The following F8 variants were observed in gnomAD, a reference collection of about 807,000 sequenced individuals.
F8 encodes coagulation factor VIII, also known as antihemophilic factor.
A neutral mutation model predicts 140.6 loss-of-function variants in F8; 12 were observed. The ratio of observed to expected loss-of-function variants is 0.09; its 90% CI spans 0.05 to 0.14. The LOEUF is 0.14. F8 is among the 10% of genes least tolerant of loss of function. The probability of loss-of-function intolerance (pLI) is 1.00; values close to 1 mark genes in which losing one functional copy is unlikely to be tolerated. For synonymous variants in F8, 585 were observed against 614.6 expected, an observed-to-expected ratio of 0.95 and a Z score of 0.71; for missense variants, 1,354 against 1,720.7, an observed-to-expected ratio of 0.79 and a Z score of 3.77.
chrX:154,874,535 A>G (rs1476751737), intron 22 of F8, among the ~76,000 whole-genome samples: 1 of 112,212 alleles, frequency 8.9e-6, no homozygotes, highest in Non-Finnish European at 1.9e-5. Context: ...GTGCTTTTGT[A>G]ATCGGCATTA....
chrX:154,915,718 G>A (rs1217291687), intron 14 of F8, among the ~76,000 whole-genome samples: 1 of 112,164 alleles, frequency 8.9e-6, no homozygotes, highest in Non-Finnish European at 1.9e-5. Context: ...CAGTTTTTTG[G>A]TGGAGTGTTT....
At chrX:155,010,871 C>T (rs1557286514) in intron 1 of F8, among the ~76,000 whole-genome samples, 1 of 111,399 alleles carries the variant, frequency 9.0e-6, no homozygotes, top group Non-Finnish European at 1.9e-5. Flanking sequence ...GAACTTGGAT[C>T]CCCTCCTCAC....
Position 154,947,911 on chromosome X carries a change from C to G in F8, c.1904-4G>C. ...TCAAAAACATAGCCATTGATGCCTG[C>G]AAAAACAATGGGGAAAAGAGATTTA... On this transcript the variant is annotated splice_region_variant and splice_polypyrimidine_tract_variant and intron_variant, in intron 12 of 25. Coordinates refer to ENST00000360256, the MANE Select transcript of F8 (RefSeq NM_000132.4). The G allele has an allele frequency of 8.4e-7, 1 of 1,194,012 alleles. No individual in the cohort carries two copies. The highest frequency in any genetic ancestry group is 3.0e-5 in the East Asian group (1 of 33,755).
rs17336801 is a variant in F8 at position 154,837,925 on chromosome X, C to G, written c.6901-173G>C. Among the ~76,000 whole-genome samples, 998 of 111,853 alleles carry G rather than the reference C, an allele frequency of 8.9e-3. 27 individuals carry two copies. In the East Asian group the frequency reaches 0.13, roughly 14 times the overall value. On this transcript the variant is annotated intron_variant, in intron 25 of 25. Coordinates refer to ENST00000360256, the MANE Select transcript of F8 (RefSeq NM_000132.4). ...GACATCTAGAATTAAGAGCACCCTGCTTTGGAGGCCTTCACTCTAGCTAGG... is the reference window on the plus strand; with the variant it reads ...GACATCTAGAATTAAGAGCACCCTGGTTTGGAGGCCTTCACTCTAGCTAGG...
chrX:154,842,129 TTTAATA>T (rs1201765236), intron 25 of F8, among the ~76,000 whole-genome samples: 2 of 111,695 alleles, frequency 1.8e-5, no homozygotes, highest in Non-Finnish European at 3.8e-5. Flanking sequence ...AGAAAGAACA[TTTAATA>T]TTAATAAGTA....
At chrX:154,911,037 CAT>C (rs1262416232) in intron 14 of F8, among the ~76,000 whole-genome samples, 1 of 109,548 alleles carries the variant, frequency 9.1e-6, no homozygotes, top group Non-Finnish European at 1.9e-5. Flanking sequence ...CCTTTGTTCA[CAT>C]GTTTTCCTGC....
chrX:154,970,860 C>T (rs940665256), intron 6 of F8, among the ~76,000 whole-genome samples: 1 of 111,554 alleles, frequency 9.0e-6, no homozygotes, highest in Non-Finnish European at 1.9e-5. Flanking sequence ...TGTAATTTTG[C>T]ATGTATTATT....
At chrX:154,920,611 C>A (rs1427071750) in intron 14 of F8, among the ~76,000 whole-genome samples, 3 of 109,944 alleles carry the variant, frequency 2.7e-5, no homozygotes, top group African/African-American at 9.9e-5. Context: ...CACCACCATG[C>A]TTTACTAATT....
rs782369846 is a variant in F8 at position 155,012,130 on chromosome X, G to A, written c.143+10280C>T. Among the ~76,000 whole-genome samples, 9 of 111,913 alleles carry A rather than the reference G, an allele frequency of 8.0e-5. No individual in the cohort carries two copies. In the East Asian group the frequency reaches 1.4e-3, roughly 17 times the overall value. ...ACCACTGAATTGTACACTTTCAAAT[G>A]GTGAATTTTATGATATGTAAAGTAT... On this transcript the variant is annotated intron_variant, in intron 1 of 25. Coordinates refer to ENST00000360256, the MANE Select transcript of F8 (RefSeq NM_000132.4).
chrX:154,946,658 GT>G (rs1482349655), intron 13 of F8, among the ~76,000 whole-genome samples: 1 of 111,786 alleles, frequency 8.9e-6, no homozygotes, highest in East Asian at 2.8e-4. Flanking sequence ...CAGGACATTG[GT>G]CTGGGAAAGA....
At chrX:154,847,577 G>A (rs1346449243) in intron 25 of F8, among the ~76,000 whole-genome samples, 3 of 111,680 alleles carry the variant, frequency 2.7e-5, no homozygotes, top group Non-Finnish European at 3.8e-5. Flanking sequence ...TGATCGCATC[G>A]GCTACTAAAG....
intron 25 of F8, among the ~76,000 whole-genome samples, chrX:154,837,975 C>T (rs2072488421): frequency 8.9e-6 from 1 of 111,755 alleles, no homozygotes; most frequent in Non-Finnish European, 1.9e-5. Context: ...TGTTCTCACC[C>T]ACTTCCCAAA....
intron 13 of F8, among the ~76,000 whole-genome samples, chrX:154,942,740 T>C (rs2073276435): frequency 9.3e-6 from 1 of 108,082 alleles, no homozygotes; most frequent in African/African-American, 3.4e-5. Context: ...ACCAATATCC[T>C]TGATGAACAT....
At chrX:154,953,118 T>C (rs1238836555) in intron 12 of F8, among the ~76,000 whole-genome samples, 1 of 111,794 alleles carries the variant, frequency 8.9e-6, no homozygotes, top group Admixed American at 9.5e-5. Context: ...ACCATATTTT[T>C]GACCATTCAG....
At chrX:154,909,008 G>A (rs1393430592) in intron 14 of F8, 4 of 195,563 alleles carry the variant, frequency 2.0e-5, no homozygotes, top group African/African-American at 1.2e-4. Flanking sequence ...TGGGCTGGAT[G>A]GTTCAGGAAG....
rs1557287600 is a variant in F8, at chrX:155,022,503, C to G, written c.50G>C (p.Cys17Ser). 5.8e-6 allele frequency: 7 copies of G among 1,209,485 alleles called. No individual in the cohort carries two copies. The highest frequency in any genetic ancestry group is 7.8e-6 in the Non-Finnish European group (7 of 895,023). Reference protein sequence around the residue: ...TCFFLCLLRFCFSATRRYYLG... With the variant: ...TCFFLCLLRFSFSATRRYYLG... ...GTAGTATCTTCTGGTGGCACTAAAG[C>G]AGAATCGCAAAAGGCACAGAAAGAA... is the stretch of plus-strand genomic sequence containing the variant. Residue 17 changes from cysteine (C) to serine (S), a missense_variant, in exon 1 of 26, where the codon TGC becomes TCC. Cys to Ser is a moderately radical substitution (Grantham distance 112, BLOSUM62 -1). Coordinates refer to ENST00000360256, the MANE Select transcript of F8 (RefSeq NM_000132.4).
chrX:154,879,984 T>G (rs2072847947), intron 22 of F8, among the ~76,000 whole-genome samples: 1 of 112,032 alleles, frequency 8.9e-6, no homozygotes, highest in Non-Finnish European at 1.9e-5. Context: ...ATTAAACCTC[T>G]TTTCTTCATA....
At position 154,904,998 on chromosome X, in the gene F8, C is replaced by T. The variant is rs137852442; in HGVS notation, c.5399G>A (p.Arg1800His). The change falls in exon 16 of 26, where the codon CGT (arginine) becomes CAT (histidine). Residue 1800 changes from arginine to histidine, a missense_variant. By Grantham distance (29) the Arg-to-His change is conservative. Coordinates refer to ENST00000360256, the MANE Select transcript of F8 (RefSeq NM_000132.4). ...IMVTFRNQAS[R>H]PYSFYSSLIS... ...AAGGCTAGAATAGAAGGAATAGGGA[C>T]GAGAGGCCTGATTTCTGAAAGTTAC... 8.3e-7 allele frequency: 1 copy of T among 1,203,674 alleles called. No individual in the cohort carries two copies. The highest frequency in any genetic ancestry group is 1.1e-6 in the Non-Finnish European group (1 of 890,202).
intron 14 of F8, 22 bp downstream of exon 14, chrX:154,928,549 G>C: frequency 8.6e-7 from 1 of 1,162,947 alleles, no homozygotes; most frequent in Non-Finnish European, 1.2e-6. Context: ...GCAGAGCAAA[G>C]GAATAACCAA....
Sources: allele counts gnomAD v4.1 joint callset (sites outside exome capture counted in the v4.1 genomes callset), GRCh38; gene constraint gnomAD v4.1.1; transcripts MANE v1.5; gene names NCBI Gene and HGNC (gene_info 2026-07-23, HGNC 2026-07-21).